Variants in RASAL2 observed in about 807,000 individuals in gnomAD.
RASAL2 encodes the protein ras GTPase-activating protein nGAP.
RASAL2 carries 58 observed loss-of-function variants against 128.9 expected under a neutral mutation model. The observed-to-expected ratio is 0.45, with a 90% CI of 0.36 to 0.56. The LOEUF (loss-of-function observed/expected upper bound fraction) is 0.56, where lower values mean the gene tolerates loss of function less well. Among genes scored for constraint, RASAL2 ranks in the 20% least tolerant of loss-of-function variants. The pLI, the probability that RASAL2 is intolerant of heterozygous loss-of-function variation, is 0.00. For synonymous variants in RASAL2, 561 were observed against 580.8 expected (o/e 0.97, Z 0.49); for missense variants, 1,360 against 1,601.6 (o/e 0.85, Z 2.57).
intron 1 of RASAL2, among the ~76,000 whole-genome samples, chr1:178,231,812 A>G (rs1342532261): frequency 6.6e-6 from 1 of 152,174 alleles, no homozygotes; most frequent in African/African-American, 2.4e-5. Context: ...TAAGGGGAAA[A>G]TGTACAATTG....
chr1:178,412,060 T>TA, intron 4 of RASAL2: 4 of 318,262 alleles, frequency 1.3e-5, no homozygotes, highest in South Asian at 4.4e-5. Flanking sequence ...TGCCATCATG[T>TA]GAAAAAAAAA....
Position 178,207,752 on chromosome 1 carries a change from CATG to C in RASAL2, c.203-75809_203-75807del, listed in dbSNP as rs1218910137. On this transcript the variant is annotated intron_variant, in intron 1 of 17. Coordinates refer to ENST00000367649, the MANE Select transcript of RASAL2 (RefSeq NM_170692.4). ...CCCCACCCCCCACACACATAAGTAA[CATG>C]ATAATATCCTCTACTTTTTAACTTA... is the stretch of plus-strand genomic sequence containing the variant. 6.6e-5 allele frequency among the ~76,000 whole-genome samples: 10 copies of C among 152,098 alleles called. No homozygotes were observed. In the East Asian group the frequency reaches 1.9e-3, roughly 29 times the overall value.
At chr1:178,185,089 A>G (rs1662243679) in intron 1 of RASAL2, among the ~76,000 whole-genome samples, 1 of 149,830 alleles carries the variant, frequency 6.7e-6, no homozygotes, top group Admixed American at 6.6e-5. Flanking sequence ...TGGGGATGCC[A>G]TCATAAATGG....
At chr1:178,189,560 T>G (rs60861851) in intron 1 of RASAL2, among the ~76,000 whole-genome samples, 7 of 152,186 alleles carry the variant, frequency 4.6e-5, no homozygotes, top group Non-Finnish European at 8.8e-5. Context: ...TATATTGGAG[T>G]GATTATATCT....
At chr1:178,153,601 A>G (rs1209064415) in intron 1 of RASAL2, among the ~76,000 whole-genome samples, 1 of 152,094 alleles carries the variant, frequency 6.6e-6, no homozygotes, top group Non-Finnish European at 1.5e-5. Flanking sequence ...CACTGAGCAT[A>G]TTTTTGAGGT....
rs866068616 is a variant in RASAL2, at chr1:178,476,001, G to A, written c.*2762G>A. 5 of 152,206 alleles carry A rather than the reference G, an allele frequency of 3.3e-5. No individual in the cohort carries two copies. Among genetic ancestry groups the A allele is most frequent in the Non-Finnish European group, 5.9e-5 (4 of 68,046 alleles). 9.4% of individuals were successfully genotyped at this position (152,206 alleles called of 1,614,324 possible). A position where few individuals can be genotyped will look rare whatever the true frequency, so the allele number is the denominator to read the frequency against. ...TTTTAAGAAGAGAAGCCACCAACAG[G>A]TGATAATTTTTATGGAGATGTTTCT... is the stretch of plus-strand genomic sequence containing the variant. On this transcript the variant is annotated 3_prime_UTR_variant, in exon 18 of 18. Coordinates refer to ENST00000367649, the MANE Select transcript of RASAL2 (RefSeq NM_170692.4).
intron 4 of RASAL2, 48 bp downstream of exon 4, chr1:178,390,254 C>T: frequency 2.8e-6 from 4 of 1,419,616 alleles, no homozygotes; most frequent in South Asian, 1.2e-5. Context: ...TCCTTTTCTC[C>T]TTTCTTCTTA....
chr1:178,165,109 G>A (rs551196627), intron 1 of RASAL2, among the ~76,000 whole-genome samples: 14 of 151,792 alleles, frequency 9.2e-5, no homozygotes, highest in South Asian at 2.1e-4. Context: ...AGTCTTGAGC[G>A]CATGGATTTT....
chr1:178,284,055 A>G (rs949025574), intron 2 of RASAL2, among the ~76,000 whole-genome samples: 6 of 152,176 alleles, frequency 3.9e-5, no homozygotes, highest in Non-Finnish European at 8.8e-5. Context: ...GGATTAATTG[A>G]AAGAGGTTTA....
intron 3 of RASAL2, among the ~76,000 whole-genome samples, chr1:178,370,348 C>T (rs966939696): frequency 6.6e-6 from 1 of 152,148 alleles, no homozygotes; most frequent in African/African-American, 2.4e-5. Flanking sequence ...AATCCCAGAG[C>T]TCCAGGGATA....
At chr1:178,418,994 T>C (rs1305380857) in intron 4 of RASAL2, among the ~76,000 whole-genome samples, 1 of 152,174 alleles carries the variant, frequency 6.6e-6, no homozygotes, top group African/African-American at 2.4e-5. Flanking sequence ...ATGTAACATA[T>C]TTTATGCCAC....
intron 1 of RASAL2, among the ~76,000 whole-genome samples, chr1:178,197,063 C>T (rs1365315855): frequency 1.3e-5 from 2 of 152,170 alleles, no homozygotes; most frequent in Non-Finnish European, 2.9e-5. Context: ...CCTATAATCC[C>T]AGCACTTTGG....
intron 3 of RASAL2, among the ~76,000 whole-genome samples, chr1:178,383,684 G>C (rs1330424722): frequency 6.6e-6 from 1 of 152,066 alleles, no homozygotes; most frequent in Non-Finnish European, 1.5e-5. Context: ...TTCCTATTCT[G>C]TTTCTTAAAT....
At chr1:178,107,209 GT>G (rs1659122657) in intron 1 of RASAL2, among the ~76,000 whole-genome samples, 4 of 152,044 alleles carry the variant, frequency 2.6e-5, no homozygotes, top group Non-Finnish European at 5.9e-5. Flanking sequence ...CAATCCAGTA[GT>G]TTCTTTTGAA....
At chr1:178,441,729 T>G in intron 7 of RASAL2, 82 bp downstream of exon 7, 1 of 1,029,132 alleles carries the variant, frequency 9.7e-7, no homozygotes, top group Non-Finnish European at 1.5e-6. Context: ...TAGTAATACC[T>G]TAATTTGTCT....
At chr1:178,302,463 T>C (rs568892236) in intron 3 of RASAL2, among the ~76,000 whole-genome samples, 29 of 152,320 alleles carry the variant, frequency 1.9e-4, no homozygotes, top group Non-Finnish European at 3.4e-4. Context: ...GAAAGACTTC[T>C]ACATAGAGAA....
intron 1 of RASAL2, among the ~76,000 whole-genome samples, chr1:178,181,102 A>G (rs1043125034): frequency 1.3e-5 from 2 of 151,884 alleles, no homozygotes; most frequent in African/African-American, 4.8e-5. Flanking sequence ...CTGGCTAAAG[A>G]TTTTTCAGTT....
chr1:178,115,098 G>T (rs1659478366), intron 1 of RASAL2, among the ~76,000 whole-genome samples: 1 of 151,616 alleles, frequency 6.6e-6, no homozygotes, highest in South Asian at 2.1e-4. Flanking sequence ...CAGTTTATCA[G>T]ATAAGCCATC....
chr1:178,349,259 A>G, intron 3 of RASAL2, among the ~76,000 whole-genome samples: 1 of 102,894 alleles, frequency 9.7e-6, no homozygotes. Context: ...TCTCTACTTT[A>G]AAAAAAAAAA....
Sources: allele counts gnomAD v4.1 joint callset (sites outside exome capture counted in the v4.1 genomes callset), GRCh38; gene constraint gnomAD v4.1.1; transcripts MANE v1.5; gene names NCBI Gene and HGNC (gene_info 2026-07-23, HGNC 2026-07-21).